Variants in PTCHD4 observed in about 807,000 individuals in gnomAD.
The protein encoded by PTCHD4 is patched domain containing 4.
A neutral mutation model predicts 58.1 loss-of-function variants in PTCHD4; 33 were observed. The ratio of observed to expected loss-of-function variants is 0.57; its 90% CI spans 0.43 to 0.76. PTCHD4 has a LOEUF of 0.76. PTCHD4 is among the 30% of genes least tolerant of loss of function. PTCHD4 has a pLI of 0.00. For synonymous variants in PTCHD4, 478 were observed against 409.6 expected, an observed-to-expected ratio of 1.17 and a Z score of -2.02; for missense variants, 1,058 against 1,027.1, an observed-to-expected ratio of 1.03 and a Z score of -0.41.
chr6:47,878,832 A>G lies in PTCHD4; in HGVS notation c.2003T>C (p.Val668Ala), dbSNP rs1763924259. The G allele has an allele frequency of 6.2e-7, 1 of 1,613,584 alleles. No homozygotes were observed. Among genetic ancestry groups the G allele is most frequent in the Admixed American group, 1.7e-5 (1 of 59,916 alleles). The part of the protein sequence containing the change: ...VLIAGFGVLL[V>A]LILTFFLVIH... ...CACTAGGAAAAAAGTCAGGATTAACACCAGGAGAACACCAAAGCCTGCAAT... is the reference window on the plus strand; with the variant it reads ...CACTAGGAAAAAAGTCAGGATTAACGCCAGGAGAACACCAAAGCCTGCAAT... Residue 668 changes from valine to alanine, a missense_variant, in exon 5 of 5, where the codon GTG becomes GCG. Physicochemically the swap from Val to Ala is moderately conservative, Grantham distance 64 (BLOSUM62 0). Coordinates refer to ENST00000339488, the MANE Select transcript of PTCHD4 (RefSeq NM_001384253.1).
intron 4 of PTCHD4, among the ~76,000 whole-genome samples, chr6:47,921,583 T>C (rs1232213706): frequency 6.6e-6 from 1 of 152,116 alleles, no homozygotes; most frequent in African/African-American, 2.4e-5. Flanking sequence ...TAGCAACTTC[T>C]GGGAAATTTC....
In PTCHD4 at chr6:47,877,182, T is replaced by C. The variant is rs1024612294; in HGVS notation, c.*1121A>G. 2.6e-5 allele frequency among the ~76,000 whole-genome samples: 4 copies of C among 152,080 alleles called. No individual in the cohort carries two copies. The South Asian group carries it at 8.3e-4, about 31-fold the overall frequency. ...TGGTCCATTTTATTCTATTTCACTCTACGAGTTTCCTAGTTATGTCTCCTT... is the reference window on the plus strand; with the variant it reads ...TGGTCCATTTTATTCTATTTCACTCCACGAGTTTCCTAGTTATGTCTCCTT... On this transcript the variant is annotated 3_prime_UTR_variant, in exon 5 of 5. Transcript: ENST00000339488.
chr6:47,971,761 A>T (rs1018306426), intron 4 of PTCHD4, among the ~76,000 whole-genome samples: 5 of 152,218 alleles, frequency 3.3e-5, no homozygotes, highest in Non-Finnish European at 2.9e-5. Context: ...CCATCACTGG[A>T]CATAGAAAAA....
chr6:47,869,587 G>A lies in PTCHD4; in HGVS notation c.*8716C>T, dbSNP rs1240438032. ...GTTTTAGAGACATTTGTGAACTTAG[G>A]GATTCATAAAAATATCTCTCAGGAA... On this transcript the variant is annotated 3_prime_UTR_variant, in exon 5 of 5. Coordinates refer to ENST00000339488, the MANE Select transcript of PTCHD4 (RefSeq NM_001384253.1). 6.6e-6 allele frequency among the ~76,000 whole-genome samples: 1 copy of A among 151,410 alleles called. No homozygotes were observed. Among genetic ancestry groups the A allele is most frequent in the African/African-American group, 2.4e-5 (1 of 41,290 alleles).
intron 3 of PTCHD4, among the ~76,000 whole-genome samples, chr6:48,015,288 C>A (rs1762830227): frequency 1.3e-5 from 2 of 151,796 alleles, no homozygotes; most frequent in African/African-American, 2.4e-5. Context: ...CACATGGAAG[C>A]CAGAGTCTAT....
At chr6:47,950,191 C>T (rs932032499) in intron 4 of PTCHD4, among the ~76,000 whole-genome samples, 3 of 151,974 alleles carry the variant, frequency 2.0e-5, no homozygotes, top group Non-Finnish European at 4.4e-5. Flanking sequence ...TCATCCATGT[C>T]CCTACAAAGG....
Position 48,068,378 on chromosome 6 carries a change from G to A in PTCHD4, c.269C>T (p.Pro90Leu). 1 of 1,613,960 alleles carries A rather than the reference G, an allele frequency of 6.2e-7. No homozygotes were observed. The highest frequency in any genetic ancestry group is 8.5e-7 in the Non-Finnish European group (1 of 1,179,892). The change falls in exon 3 of 5, where the codon CCC (proline) becomes CTC (leucine). Residue 90 changes from proline to leucine, a missense_variant. Coordinates refer to ENST00000339488, the MANE Select transcript of PTCHD4 (RefSeq NM_001384253.1). This position sits in a 1 kb window ranked among gnomAD's most constrained non-coding sequence, Gnocchi z 4.2. The part of the protein sequence containing the change: ...IERSLASSLF[P>L]LDQSKSQLYS... Reference sequence around the variant, plus strand: ...GAGCTGGCTTTTGGACTGGTCCAGGGGGAAAAGGCTGCTGGCCAGGCTGCG... The same window carrying A: ...GAGCTGGCTTTTGGACTGGTCCAGGAGGAAAAGGCTGCTGGCCAGGCTGCG...
intron 3 of PTCHD4, among the ~76,000 whole-genome samples, chr6:48,052,513 G>A (rs903267784): frequency 7.9e-5 from 12 of 151,936 alleles, no homozygotes; most frequent in South Asian, 2.1e-4. Context: ...CCTGAAGTGC[G>A]TAGATGAGAC....
chr6:47,999,320 G>A (rs1768628638), intron 4 of PTCHD4, among the ~76,000 whole-genome samples: 1 of 152,176 alleles, frequency 6.6e-6, no homozygotes, highest in Non-Finnish European at 1.5e-5. Context: ...TCATTGGCCA[G>A]TGTTTTTCAA....
chr6:47,966,366 A>G (rs1338762344), intron 4 of PTCHD4, among the ~76,000 whole-genome samples: 1 of 152,204 alleles, frequency 6.6e-6, no homozygotes, highest in African/African-American at 2.4e-5. Flanking sequence ...ATTTTTTGGT[A>G]AAAAGTGCTA....
At chr6:48,035,752 T>G (rs1312175611) in intron 3 of PTCHD4, among the ~76,000 whole-genome samples, 1 of 152,154 alleles carries the variant, frequency 6.6e-6, no homozygotes, top group African/African-American at 2.4e-5. Context: ...CCAGCTGATA[T>G]CTACTAACCC....
At chr6:48,092,228 T>C (rs1765380927) in intron 1 of PTCHD4, among the ~76,000 whole-genome samples, 1 of 152,146 alleles carries the variant, frequency 6.6e-6, no homozygotes, top group Admixed American at 6.6e-5. Context: ...AATCCACTGA[T>C]GAGATAAGCC....
intron 3 of PTCHD4, 34 bp from the exon 4 acceptor site, chr6:48,009,148 G>A (rs75131966): frequency 8.3e-5 from 129 of 1,559,352 alleles, no homozygotes; most frequent in Non-Finnish European, 9.8e-5. Flanking sequence ...CTTCAGTTAC[G>A]GATGTATATT....
chr6:48,082,626 TC>T (rs1359978573), intron 1 of PTCHD4, among the ~76,000 whole-genome samples: 5 of 152,158 alleles, frequency 3.3e-5, no homozygotes, highest in African/African-American at 1.2e-4. Flanking sequence ...TTTCTTTAGC[TC>T]TTTCTTTTTG....
chr6:48,065,269 T>C (rs1051143423), intron 3 of PTCHD4, among the ~76,000 whole-genome samples: 1 of 152,210 alleles, frequency 6.6e-6, no homozygotes, highest in Non-Finnish European at 1.5e-5. Context: ...CATACTCATG[T>C]TATGCATCCA....
At chr6:47,938,181 A>G (rs908363821) in intron 4 of PTCHD4, among the ~76,000 whole-genome samples, 1 of 152,162 alleles carries the variant, frequency 6.6e-6, no homozygotes, top group African/African-American at 2.4e-5. Context: ...AAAATATTTC[A>G]GAGAGGAGGG....
At chr6:47,966,104 G>T (rs1363273065) in intron 4 of PTCHD4, among the ~76,000 whole-genome samples, 1 of 152,160 alleles carries the variant, frequency 6.6e-6, no homozygotes, top group African/African-American at 2.4e-5. Flanking sequence ...TCAGCATTTA[G>T]AATTTAGTAG....
At chr6:48,095,642 T>C (rs1342035995) in intron 1 of PTCHD4, among the ~76,000 whole-genome samples, 1 of 151,664 alleles carries the variant, frequency 6.6e-6, no homozygotes, top group African/African-American at 2.4e-5. Flanking sequence ...TGAGCCAAGA[T>C]TGCGCCACTG....
At chr6:47,969,050 A>T (rs1222178080) in intron 4 of PTCHD4, among the ~76,000 whole-genome samples, 1 of 152,180 alleles carries the variant, frequency 6.6e-6, no homozygotes, top group Non-Finnish European at 1.5e-5. Context: ...TTTATTTCTC[A>T]TGGTTTGAAT....
Sources: allele counts gnomAD v4.1 joint callset (sites outside exome capture counted in the v4.1 genomes callset), GRCh38; gene constraint gnomAD v4.1.1; non-coding constraint Gnocchi (gnomAD v3.1); transcripts MANE v1.5; gene names NCBI Gene and HGNC (gene_info 2026-07-23, HGNC 2026-07-21).